The following ADGRB3 variants were observed in gnomAD, a reference collection of about 807,000 sequenced individuals.
ADGRB3 encodes the protein brain-specific angiogenesis inhibitor 3.
A neutral mutation model predicts 193.4 loss-of-function variants in ADGRB3; 37 were observed. The observed-to-expected ratio is 0.19, with a 90% CI of 0.15 to 0.25. The LOEUF (loss-of-function observed/expected upper bound fraction) is 0.25. Among genes scored for constraint, ADGRB3 ranks in the 10% least tolerant of loss-of-function variants. The pLI, the probability that ADGRB3 is intolerant of heterozygous loss-of-function variation, is 1.00. For synonymous variants in ADGRB3, 690 were observed against 644.2 expected (o/e 1.07, Z -1.08); for missense variants, 1,637 against 1,852.9 (o/e 0.88, Z 2.14).
At chr6:69,130,580 C>A (rs1464743410) in intron 17 of ADGRB3, among the ~76,000 whole-genome samples, 1 of 150,338 alleles carries the variant, frequency 6.7e-6, no homozygotes, top group Non-Finnish European at 1.5e-5. Flanking sequence ...GAAATTCAGC[C>A]CCCCGACTGG....
chr6:69,225,199 T>G (rs1765983472), intron 17 of ADGRB3, among the ~76,000 whole-genome samples: 1 of 152,212 alleles, frequency 6.6e-6, no homozygotes, highest in African/African-American at 2.4e-5. Context: ...TTTTAACTTC[T>G]AGCAATCTAA....
At chr6:68,966,209 A>T (rs185715823) in intron 8 of ADGRB3, among the ~76,000 whole-genome samples, 4 of 152,100 alleles carry the variant, frequency 2.6e-5, no homozygotes, top group African/African-American at 9.7e-5. Context: ...CCTCCTAAAT[A>T]AATTTTGAAT....
intron 11 of ADGRB3, among the ~76,000 whole-genome samples, chr6:69,008,759 A>G (rs1261521721): frequency 1.2e-4 from 19 of 152,152 alleles, no homozygotes; most frequent in Non-Finnish European, 1.5e-5. Flanking sequence ...GAATATCCAC[A>G]GCTGCTTCCT....
At chr6:68,858,605 A>AAT in intron 3 of ADGRB3, among the ~76,000 whole-genome samples, 1 of 151,866 alleles carries the variant, frequency 6.6e-6, no homozygotes, top group Non-Finnish European at 1.5e-5. Context: ...AAAAAAAAAA[A>AAT]AAAAAACACA....
intron 3 of ADGRB3, among the ~76,000 whole-genome samples, chr6:68,880,869 G>A (rs1241455753): frequency 6.6e-6 from 1 of 151,946 alleles, no homozygotes; most frequent in East Asian, 1.9e-4. Context: ...TCATATAAAT[G>A]TATTTCTTAC....
intron 3 of ADGRB3, among the ~76,000 whole-genome samples, chr6:68,902,800 T>G (rs1189924143): frequency 1.3e-5 from 2 of 152,150 alleles, no homozygotes; most frequent in Admixed American, 6.5e-5. Context: ...AAACTCTGCA[T>G]GACTGAGTAG....
intron 17 of ADGRB3, among the ~76,000 whole-genome samples, chr6:69,220,081 A>G (rs1289405611): frequency 6.6e-6 from 1 of 151,974 alleles, no homozygotes; most frequent in Non-Finnish European, 1.5e-5. Context: ...TAATGAAAAT[A>G]AGGATATTGG....
rs771311836 is a variant in ADGRB3, at chr6:68,993,976, G to A, written c.1929+14G>A. 1 of 1,609,950 alleles carries A rather than the reference G, an allele frequency of 6.2e-7. No individual in the cohort carries two copies. Among genetic ancestry groups the A allele is most frequent in the South Asian group, 1.1e-5 (1 of 90,784 alleles). ...GATGGTGTCCAGGTAAGGGAGACAA[G>A]TTCGTGAAGGAAAGGGCTAGTGAAG... On this transcript the variant is annotated intron_variant, in intron 11 of 31. Transcript: ENST00000370598.
At chr6:69,359,333 A>G (rs965326394) in intron 28 of ADGRB3, among the ~76,000 whole-genome samples, 16 of 151,578 alleles carry the variant, frequency 1.1e-4, no homozygotes, top group African/African-American at 3.9e-4. Context: ...ACAACTCATT[A>G]TTGATCTATT....
At position 69,184,422 on chromosome 6, in the gene ADGRB3, T is replaced by A. The variant is rs1033315768; in HGVS notation, c.2481-48868T>A. ...ATAATGGCTGCCAACAACAAAGAAA[T>A]AAGAAACAAAAAATAACTTAAAAGA... On this transcript the variant is annotated intron_variant, in intron 17 of 31. Coordinates refer to ENST00000370598, the MANE Select transcript of ADGRB3 (RefSeq NM_001704.3). Among the ~76,000 whole-genome samples the A allele has an allele frequency of 2.6e-5, 4 of 151,884 alleles. No individual in the cohort carries two copies. In the South Asian group the frequency reaches 8.3e-4, roughly 32 times the overall value.
At chr6:69,287,749 C>G (rs1767583324) in intron 20 of ADGRB3, among the ~76,000 whole-genome samples, 1 of 152,162 alleles carries the variant, frequency 6.6e-6, no homozygotes, top group Non-Finnish European at 1.5e-5. Context: ...CTCAATTCCT[C>G]CTCTAGTAAT....
At chr6:69,130,834 T>C (rs1035593190) in intron 17 of ADGRB3, among the ~76,000 whole-genome samples, 3 of 152,222 alleles carry the variant, frequency 2.0e-5, no homozygotes, top group Admixed American at 6.5e-5. Flanking sequence ...TCCTGGCATA[T>C]GTAAATGATA....
At chr6:68,717,094 A>G (rs559106496) in intron 3 of ADGRB3, among the ~76,000 whole-genome samples, 2 of 151,774 alleles carry the variant, frequency 1.3e-5, no homozygotes, top group East Asian at 1.9e-4. Context: ...CCTCTCTTTC[A>G]AAAAGTACCA....
At chr6:68,764,451 T>G (rs1184592647) in intron 3 of ADGRB3, among the ~76,000 whole-genome samples, 1 of 152,168 alleles carries the variant, frequency 6.6e-6, no homozygotes, top group Non-Finnish European at 1.5e-5. Flanking sequence ...AGACTGAAAG[T>G]GACCACTTTG....
intron 3 of ADGRB3, among the ~76,000 whole-genome samples, chr6:68,791,187 A>T (rs990518148): frequency 6.6e-6 from 1 of 152,032 alleles, no homozygotes; most frequent in Admixed American, 6.6e-5. Context: ...GTAGGGTTTT[A>T]TTCAGAAAAA....
chr6:69,207,776 G>A (rs1469890213), intron 17 of ADGRB3, among the ~76,000 whole-genome samples: 1 of 152,188 alleles, frequency 6.6e-6, no homozygotes, highest in Non-Finnish European at 1.5e-5. Flanking sequence ...TGAGCCTGTT[G>A]CCTCACTTTT....
chr6:69,239,058 A>G, intron 19 of ADGRB3, 66 bp from the exon 20 acceptor site: 1 of 858,380 alleles, frequency 1.2e-6, no homozygotes, highest in South Asian at 1.8e-5. Flanking sequence ...ATCAGTTTGC[A>G]CAATATATAA....
At position 68,993,887 on chromosome 6, in the gene ADGRB3, G is replaced by A. The variant is rs906648211; in HGVS notation, c.1854G>A (p.Met618Ile). Residue 618 changes from methionine (M) to isoleucine (I), a missense_variant, in exon 11 of 32, where the codon ATG becomes ATA. By Grantham distance (10) the Met-to-Ile change is conservative. This residue lies in a region of ADGRB3 where 641 missense variants were observed against 673.9 expected (regional missense o/e 0.95). Transcript: ENST00000370598. ...RKNFYAGDLL[M>I]SVEILRNVTD... ...ATTTCTATGCAGGCGATCTTCTGAT[G>A]TCTGTGGAGATCCTGAGAAATGTGA... is the stretch of plus-strand genomic sequence containing the variant. 6 of 1,613,842 alleles carry A rather than the reference G, an allele frequency of 3.7e-6. No individual in the cohort carries two copies. The African/African-American group carries it at 6.7e-5, about 18-fold the overall frequency.
intron 11 of ADGRB3, among the ~76,000 whole-genome samples, chr6:69,008,394 C>T (rs758167217): frequency 1.3e-5 from 2 of 152,100 alleles, no homozygotes; most frequent in East Asian, 1.9e-4. Flanking sequence ...TACCTTTCCT[C>T]GTTTTTTCAT....
Sources: allele counts gnomAD v4.1 joint callset (sites outside exome capture counted in the v4.1 genomes callset), GRCh38; gene constraint gnomAD v4.1.1; regional missense constraint gnomAD v4.1.1; transcripts MANE v1.5; gene names NCBI Gene and HGNC (gene_info 2026-07-23, HGNC 2026-07-21).